LTN1: variants seen among roughly 807,000 people sequenced by gnomAD.
LTN1 encodes listerin E3 ubiquitin protein ligase 1, also known as E3 ubiquitin-protein ligase listerin.
In LTN1, 88 loss-of-function variants were observed where a neutral mutation model predicts 201.2. That is an observed-to-expected ratio of 0.44 (90% CI 0.37 to 0.52). The LOEUF (loss-of-function observed/expected upper bound fraction) is 0.52. Among genes scored for constraint, LTN1 ranks in the 20% least tolerant of loss-of-function variants. The pLI, the probability that LTN1 is intolerant of heterozygous loss-of-function variation, is 0.00. For missense variants in LTN1, 1,752 were observed against 2,038.7 expected, an observed-to-expected ratio of 0.86 and a Z score of 2.71; for synonymous variants, 645 against 713.5, an observed-to-expected ratio of 0.90 and a Z score of 1.53.
rs2084233943 is a variant in LTN1, at chr21:28,933,985, TATAGTAA to T, written c.4875+1117_4875+1123del. Among the ~76,000 whole-genome samples the T allele has an allele frequency of 2.0e-5, 3 of 152,250 alleles. No individual in the cohort carries two copies. In the South Asian group the frequency reaches 6.2e-4, roughly 32 times the overall value. ...GCCACCACACTCGGCCTATTTTCTT[TATAGTAA>T]ATGCCATTCCCTTCATTTTCCCCAT... On this transcript the variant is annotated intron_variant, in intron 27 of 29. Transcript: ENST00000361371.
intron 4 of LTN1, 142 bp from the exon 5 acceptor site, chr21:28,982,510 T>C (rs778856660): frequency 1.4e-4 from 88 of 633,654 alleles, no homozygotes; most frequent in Non-Finnish European, 2.2e-4. Flanking sequence ...ATAGCAAAAC[T>C]GAAAGGTTTG....
intron 16 of LTN1, among the ~76,000 whole-genome samples, chr21:28,956,182 G>C (rs2146285026): frequency 6.6e-6 from 1 of 152,156 alleles, no homozygotes; most frequent in East Asian, 1.9e-4. Flanking sequence ...CAGTGAGAGA[G>C]AAGATATATG....
chr21:28,992,846 T>A lies in LTN1; in HGVS notation c.-41A>T, dbSNP rs2084759609. On this transcript the variant is annotated 5_prime_UTR_variant, in exon 1 of 30. Coordinates refer to ENST00000361371, the MANE Select transcript of LTN1 (RefSeq NM_015565.3). ...TGTACTCTGAGCACTCAGACCCCGGTTGACACGTCCGGGACACAACTTCCG... is the reference window on the plus strand; with the variant it reads ...TGTACTCTGAGCACTCAGACCCCGGATGACACGTCCGGGACACAACTTCCG... The A allele has an allele frequency of 6.2e-7, 1 of 1,614,138 alleles. No individual in the cohort carries two copies. Among genetic ancestry groups the A allele is most frequent in the Non-Finnish European group, 8.5e-7 (1 of 1,180,002 alleles).
At chr21:28,968,388 G>A (rs973759669) in intron 9 of LTN1, among the ~76,000 whole-genome samples, 1 of 152,158 alleles carries the variant, frequency 6.6e-6, no homozygotes, top group East Asian at 1.9e-4. Context: ...AAAAATAAGG[G>A]TAGAGACATC....
intron 26 of LTN1, among the ~76,000 whole-genome samples, chr21:28,935,566 C>G (rs979944167): frequency 6.6e-6 from 1 of 152,022 alleles, no homozygotes; most frequent in Non-Finnish European, 1.5e-5. Context: ...TCCCGCCGGG[C>G]GCAGTGGCTC....
chr21:28,955,499 T>A (rs1433024350), intron 16 of LTN1, among the ~76,000 whole-genome samples: 5 of 152,104 alleles, frequency 3.3e-5, no homozygotes, highest in Non-Finnish European at 5.9e-5. Context: ...CAAAGGTATA[T>A]CTGCACCCCT....
chr21:28,977,756 G>A (rs773604836), intron 6 of LTN1, among the ~76,000 whole-genome samples: 2 of 151,334 alleles, frequency 1.3e-5, no homozygotes, highest in African/African-American at 4.9e-5. Flanking sequence ...ACAAAACCCC[G>A]TCTCTACTAA....
intron 1 of LTN1, among the ~76,000 whole-genome samples, chr21:28,987,958 A>G (rs2146319922): frequency 6.6e-6 from 1 of 152,200 alleles, no homozygotes; most frequent in East Asian, 1.9e-4. Context: ...CCTGGCCAAC[A>G]TGGTGAAACC....
At chr21:28,957,550 TA>T in intron 14 of LTN1, 74 bp from the exon 15 acceptor site, 1 of 935,654 alleles carries the variant, frequency 1.1e-6, no homozygotes, top group Non-Finnish European at 1.5e-6. Context: ...ACATATTAAA[TA>T]CCCTATAATA....
chr21:28,980,533 T>TA lies in LTN1; in HGVS notation c.810+585dup, dbSNP rs561374572. 2.6e-3 allele frequency among the ~76,000 whole-genome samples: 371 copies of TA among 145,206 alleles called. 1 individual carries two copies. Among genetic ancestry groups the TA allele is most frequent in the African/African-American group, 9.2e-3 (359 of 39,040 alleles). ...CATTGTGCACATGTACCCTAAAACTTAAAGTATAATAATAATAATTAAAAA... is the reference window on the plus strand; with the variant it reads ...CATTGTGCACATGTACCCTAAAACTTAAAAGTATAATAATAATAATTAAAAA... On this transcript the variant is annotated intron_variant, in intron 6 of 29. Transcript: ENST00000361371.
chr21:28,936,423 G>A, intron 26 of LTN1, 103 bp downstream of exon 26: 1 of 854,868 alleles, frequency 1.2e-6, no homozygotes, highest in South Asian at 2.7e-5. Flanking sequence ...TCATAGCCAG[G>A]ACCCACCTTT....
intron 6 of LTN1, among the ~76,000 whole-genome samples, chr21:28,972,467 C>T (rs1024053623): frequency 1.3e-5 from 2 of 150,668 alleles, no homozygotes; most frequent in African/African-American, 4.9e-5. Flanking sequence ...GGTTCCTCAT[C>T]TACAGTTGAT....
At chr21:28,970,416 A>G in intron 8 of LTN1, 136 bp downstream of exon 8, 1 of 659,202 alleles carries the variant, frequency 1.5e-6, no homozygotes, top group Non-Finnish European at 2.6e-6. Context: ...AAAAATATCA[A>G]TTGTAATTCT....
intron 27 of LTN1, among the ~76,000 whole-genome samples, chr21:28,933,974 C>T (rs1438954950): frequency 3.3e-5 from 5 of 152,154 alleles, no homozygotes; most frequent in Non-Finnish European, 5.9e-5. Flanking sequence ...CCACACTCGG[C>T]CTATTTTCTT....
intron 25 of LTN1, among the ~76,000 whole-genome samples, chr21:28,939,791 T>TA: frequency 6.6e-6 from 1 of 152,278 alleles, no homozygotes; most frequent in South Asian, 2.1e-4. Context: ...AGATCAACAA[T>TA]ATTTTAAGAA....
At chr21:28,952,377 G>A (rs2084390064) in intron 17 of LTN1, 113 bp from the exon 18 acceptor site, 2 of 601,212 alleles carry the variant, frequency 3.3e-6, no homozygotes, top group African/African-American at 1.9e-5. Flanking sequence ...ACCTTGTGAT[G>A]GCATCAATTC....
intron 27 of LTN1, among the ~76,000 whole-genome samples, chr21:28,933,540 T>G (rs999121646): frequency 1.3e-5 from 2 of 152,346 alleles, no homozygotes; most frequent in Admixed American, 6.5e-5. Context: ...TCACCGTTGA[T>G]TCTATTCACC....
Position 28,935,314 on chromosome 21 carries a change from G to A in LTN1, c.4670C>T (p.Pro1557Leu). Residue 1557 changes from proline to leucine, a missense_variant, in exon 27 of 30, where the codon CCA (proline) becomes CTA (leucine). Transcript: ENST00000361371. ...ACAAGCCAAGTGTGGAATGTGGTAT[G>A]GAAGCATTGTTGTTTCTGAGGAAAA... ...QLSIRETTML[P>L]YHIPHLACSV... 6.2e-7 allele frequency: 1 copy of A among 1,612,676 alleles called. No individual in the cohort carries two copies. Among genetic ancestry groups the A allele is most frequent in the Non-Finnish European group, 8.5e-7 (1 of 1,178,912 alleles).
At position 28,932,660 on chromosome 21, in the gene LTN1, T is replaced by C. The variant is rs765317021; in HGVS notation, c.4880A>G (p.Lys1627Arg). ...TACCTCTCGAGTAGTAGCTCGAGCT[T>C]TAACCTGCAATACAACAAAGGATAT... ...STQLFNGMTV[K>R]ARATTREVMA... Residue 1627 changes from lysine to arginine, a missense_variant, in exon 28 of 30, where the codon AAA becomes AGA. Physicochemically the swap from Lys to Arg is conservative, Grantham distance 26. Transcript: ENST00000361371. The C allele has an allele frequency of 6.2e-7, 1 of 1,603,674 alleles. No individual in the cohort carries two copies. The highest frequency in any genetic ancestry group is 8.5e-7 in the Non-Finnish European group (1 of 1,174,276).
Sources: allele counts gnomAD v4.1 joint callset (sites outside exome capture counted in the v4.1 genomes callset), GRCh38; gene constraint gnomAD v4.1.1; transcripts MANE v1.5; gene names NCBI Gene and HGNC (gene_info 2026-07-23, HGNC 2026-07-21).